The following ARFGEF1 variants were observed in gnomAD, a reference collection of about 807,000 sequenced individuals.
ARFGEF1 encodes the protein brefeldin A-inhibited guanine nucleotide-exchange protein 1.
Under a neutral mutation model 231.0 loss-of-function variants are expected in ARFGEF1, and 42 were observed. The observed-to-expected ratio is 0.18, with a 90% CI of 0.14 to 0.24. The LOEUF is 0.24. ARFGEF1 is among the 10% of genes least tolerant of loss of function. ARFGEF1 has a pLI of 1.00. For missense variants in ARFGEF1, 1,345 were observed against 2,192.0 expected, an observed-to-expected ratio of 0.61 and a Z score of 7.72; for synonymous variants, 710 against 732.3, an observed-to-expected ratio of 0.97 and a Z score of 0.49.
At chr8:67,205,069 C>G (rs1161324594) in intron 34 of ARFGEF1, among the ~76,000 whole-genome samples, 1 of 152,196 alleles carries the variant, frequency 6.6e-6, no homozygotes, top group Non-Finnish European at 1.5e-5. Flanking sequence ...CAACCCACAG[C>G]CTGTATGTGG....
intron 28 of ARFGEF1, among the ~76,000 whole-genome samples, chr8:67,225,635 G>A (rs972901086): frequency 2.6e-5 from 4 of 152,106 alleles, no homozygotes; most frequent in African/African-American, 9.7e-5. Flanking sequence ...CAGACAAGAT[G>A]CACTGTAGGG....
chr8:67,274,758 A>T (rs963362990), intron 9 of ARFGEF1, among the ~76,000 whole-genome samples: 1 of 152,172 alleles, frequency 6.6e-6, no homozygotes, highest in Non-Finnish European at 1.5e-5. Context: ...TTTTTAAAGC[A>T]TGGCAAAAAT....
chr8:67,182,670 C>G (rs1833355284), intron 5 of ARFGEF1, among the ~76,000 whole-genome samples: 1 of 152,220 alleles, frequency 6.6e-6, no homozygotes. Flanking sequence ...TGAATAGTAG[C>G]AATCCTTACG....
intron 19 of ARFGEF1, among the ~76,000 whole-genome samples, chr8:67,241,731 A>G (rs538896311): frequency 1.2e-4 from 18 of 152,298 alleles, no homozygotes; most frequent in African/African-American, 4.3e-4. Context: ...CACAAAAAAA[A>G]CACCTTCATA....
At chr8:67,315,535 A>G (rs1237310890) in intron 1 of ARFGEF1, among the ~76,000 whole-genome samples, 1 of 152,240 alleles carries the variant, frequency 6.6e-6, no homozygotes, top group East Asian at 1.9e-4. Flanking sequence ...AACTGAGATC[A>G]TACAGAGTGT....
chr8:67,297,521 A>C (rs549401979), intron 4 of ARFGEF1, among the ~76,000 whole-genome samples: 1 of 152,212 alleles, frequency 6.6e-6, no homozygotes, highest in Non-Finnish European at 1.5e-5. Context: ...TCAAGACTCC[A>C]GTGAGCTGTG....
At chr8:67,251,135 A>C (rs1306948033) in intron 19 of ARFGEF1, among the ~76,000 whole-genome samples, 164 bp downstream of exon 19, 1 of 152,204 alleles carries the variant, frequency 6.6e-6, no homozygotes, top group African/African-American at 2.4e-5. Flanking sequence ...AGTAATAGAA[A>C]ATTTGTATCT....
At chr8:67,312,391 G>A (rs1441162122) in intron 1 of ARFGEF1, among the ~76,000 whole-genome samples, 1 of 152,066 alleles carries the variant, frequency 6.6e-6, no homozygotes, top group Non-Finnish European at 1.5e-5. Context: ...TGGACACCAT[G>A]GAAGCCAATA....
intron 34 of ARFGEF1, among the ~76,000 whole-genome samples, chr8:67,205,163 A>AT (rs1454421231): frequency 6.6e-6 from 1 of 151,880 alleles, no homozygotes; most frequent in Non-Finnish European, 1.5e-5. Context: ...TTAGCTCACT[A>AT]TTTTTCATAG....
In ARFGEF1 at chr8:67,324,809, T is replaced by A. The variant is rs184022499; in HGVS notation, c.124+18355A>T. ...AAATAAAATAGTGAAGACTAAAAAG[T>A]ATTTACATTAGCTTTTAATCCCATG... On this transcript the variant is annotated intron_variant, in intron 1 of 38. Transcript: ENST00000262215. Among the ~76,000 whole-genome samples the A allele has an allele frequency of 2.8e-4, 43 of 152,262 alleles. No homozygotes were observed. The East Asian group carries it at 2.9e-3, about 10-fold the overall frequency.
intron 1 of ARFGEF1, among the ~76,000 whole-genome samples, chr8:67,308,232 C>T (rs1806837401): frequency 1.3e-5 from 2 of 152,186 alleles, no homozygotes; most frequent in South Asian, 4.1e-4. Context: ...ACACACAGAA[C>T]CTGTAAGCAT....
intron 7 of ARFGEF1, among the ~76,000 whole-genome samples, chr8:67,281,929 A>C (rs1345596875): frequency 6.6e-6 from 1 of 152,124 alleles, no homozygotes; most frequent in African/African-American, 2.4e-5. Flanking sequence ...GACTTGACTA[A>C]ATGAACTTTT....
rs746489087 is a variant in ARFGEF1 at position 67,224,946 on chromosome 8, A to T, written c.4165T>A (p.Leu1389Ile). ...TTGCATCTATTGATGATACAGGATA[A>T]CTCAAAGAGAATTGGGAACCATCCT... is the stretch of plus-strand genomic sequence containing the variant. ...VRGWFPILFE[L>I]SCIINRCKLD... The change falls in exon 29 of 39, where the codon TTA (leucine) becomes ATA (isoleucine). Residue 1389 changes from leucine (L) to isoleucine (I), a missense_variant. Physicochemically the swap from Leu to Ile is conservative, Grantham distance 5. Coordinates refer to ENST00000262215, the MANE Select transcript of ARFGEF1 (RefSeq NM_006421.5). The T allele has an allele frequency of 6.2e-7, 1 of 1,603,670 alleles. No homozygotes were observed.
intron 1 of ARFGEF1, among the ~76,000 whole-genome samples, chr8:67,317,130 C>T (rs1807355100): frequency 6.6e-6 from 1 of 152,184 alleles, no homozygotes; most frequent in African/African-American, 2.4e-5. Flanking sequence ...ATTCTGACGA[C>T]ACAAAAGCTT....
intron 19 of ARFGEF1, among the ~76,000 whole-genome samples, chr8:67,249,246 T>C (rs6990696): frequency 0.019 from 2,892 of 150,588 alleles, 165 homozygotes; most frequent in South Asian, 0.049. Context: ...ATTTTCAGTA[T>C]AGTATTCAAT....
Position 67,320,553 on chromosome 8 carries a change from A to G in ARFGEF1, c.125-18087T>C, listed in dbSNP as rs186931488. On this transcript the variant is annotated intron_variant, in intron 1 of 38. Transcript: ENST00000262215. The stretch of plus-strand genomic sequence containing the variant: ...AACTTAAGTTTATGTAAAAATCTGT[A>G]CATGAATATTTATAGCAGCTCTAAC... 1.7e-4 allele frequency among the ~76,000 whole-genome samples: 26 copies of G among 152,362 alleles called. No individual in the cohort carries two copies. The East Asian group carries it at 2.9e-3, about 17-fold the overall frequency.
Position 67,268,126 on chromosome 8 carries a change from A to C in ARFGEF1, c.1573-684T>G, listed in dbSNP as rs117248354. Among the ~76,000 whole-genome samples the C allele has an allele frequency of 9.3e-4, 141 of 152,338 alleles. No individual in the cohort carries two copies. In the East Asian group the frequency reaches 0.026, roughly 28 times the overall value. Reference sequence around the variant, plus strand: ...AGAAGGAATGACTGAAACAACCAACATATTAACATTTATGAAACATATGCA... The same window carrying C: ...AGAAGGAATGACTGAAACAACCAACCTATTAACATTTATGAAACATATGCA... On this transcript the variant is annotated intron_variant, in intron 10 of 38. Coordinates refer to ENST00000262215, the MANE Select transcript of ARFGEF1 (RefSeq NM_006421.5).
chr8:67,177,386 A>T (rs1164185224), intron 5 of ARFGEF1, among the ~76,000 whole-genome samples: 2 of 152,166 alleles, frequency 1.3e-5, no homozygotes, highest in African/African-American at 4.8e-5. Flanking sequence ...TAGAAATCTG[A>T]CAAGATGGTG....
chr8:67,272,961 T>A (rs1805157929), intron 9 of ARFGEF1, among the ~76,000 whole-genome samples: 1 of 151,744 alleles, frequency 6.6e-6, no homozygotes, highest in Non-Finnish European at 1.5e-5. Context: ...TACAAAATTA[T>A]CCGAGTGTGG....
Sources: allele counts gnomAD v4.1 joint callset (sites outside exome capture counted in the v4.1 genomes callset), GRCh38; gene constraint gnomAD v4.1.1; transcripts MANE v1.5; gene names NCBI Gene and HGNC (gene_info 2026-07-23, HGNC 2026-07-21).